CCSER2: variants seen among roughly 807,000 people sequenced by gnomAD.
The protein encoded by CCSER2 is serine-rich coiled-coil domain-containing protein 2.
CCSER2 carries 46 observed loss-of-function variants against 92.3 expected under a neutral mutation model. The ratio of observed to expected loss-of-function variants is 0.50; its 90% CI spans 0.39 to 0.64. The LOEUF is 0.64. Among genes scored for constraint, CCSER2 ranks in the 30% least tolerant of loss-of-function variants. The probability of loss-of-function intolerance (pLI) is 0.00; values close to 1 mark genes in which losing one functional copy is unlikely to be tolerated. For missense variants in CCSER2, 1,244 were observed against 1,238.9 expected, an observed-to-expected ratio of 1.00 and a Z score of -0.06; for synonymous variants, 433 against 431.4, an observed-to-expected ratio of 1.00 and a Z score of -0.04.
chr10:84,421,849 G>T (rs1261709712), intron 4 of CCSER2, among the ~76,000 whole-genome samples: 2 of 152,146 alleles, frequency 1.3e-5, no homozygotes, highest in Non-Finnish European at 2.9e-5. Context: ...CTTAGGCTTG[G>T]TAAAGAATGG....
chr10:84,468,877 A>T (rs915815032), intron 7 of CCSER2, among the ~76,000 whole-genome samples: 1 of 152,162 alleles, frequency 6.6e-6, no homozygotes, highest in African/African-American at 2.4e-5. Flanking sequence ...CAAAAAGGTT[A>T]ACTGCTATGT....
At chr10:84,375,779 GT>G (rs1846300169) in intron 3 of CCSER2, among the ~76,000 whole-genome samples, 1 of 145,848 alleles carries the variant, frequency 6.9e-6, no homozygotes, top group South Asian at 2.2e-4. Flanking sequence ...TTTTATGTTT[GT>G]ATTGTTATAC....
intron 4 of CCSER2, among the ~76,000 whole-genome samples, chr10:84,422,445 G>T (rs564732317): frequency 2.6e-5 from 4 of 152,256 alleles, no homozygotes; most frequent in African/African-American, 9.6e-5. Context: ...AGAAAATTTG[G>T]TGCTTGACTT....
intron 9 of CCSER2, chr10:84,500,004 C>G: frequency 1.2e-6 from 2 of 1,613,262 alleles, no homozygotes; most frequent in Non-Finnish European, 1.7e-6. Flanking sequence ...GCTTCCCCTT[C>G]ATGGTATTTC....
At chr10:84,454,053 A>C (rs1165043142) in intron 6 of CCSER2, among the ~76,000 whole-genome samples, 1 of 152,150 alleles carries the variant, frequency 6.6e-6, no homozygotes, top group Non-Finnish European at 1.5e-5. Flanking sequence ...CATCAATAGA[A>C]GTTTATTCTG....
intron 9 of CCSER2, among the ~76,000 whole-genome samples, chr10:84,487,647 C>T (rs1339736471): frequency 1.3e-5 from 2 of 152,164 alleles, no homozygotes; most frequent in Admixed American, 6.6e-5. Flanking sequence ...TGGGCTGAGA[C>T]GATGGCGTTT....
intron 9 of CCSER2, among the ~76,000 whole-genome samples, chr10:84,503,928 CA>C (rs1848905504): frequency 1.3e-5 from 2 of 152,228 alleles, no homozygotes; most frequent in Admixed American, 6.5e-5. Flanking sequence ...TTACAAATTT[CA>C]GGGGGTGTTT....
intron 5 of CCSER2, among the ~76,000 whole-genome samples, chr10:84,434,232 A>G (rs927093909): frequency 6.6e-6 from 1 of 152,078 alleles, no homozygotes; most frequent in African/African-American, 2.4e-5. Context: ...TCTGAGATTT[A>G]TTTTTTAATG....
At chr10:84,336,380 C>G (rs574999785) in intron 1 of CCSER2, among the ~76,000 whole-genome samples, 1 of 152,134 alleles carries the variant, frequency 6.6e-6, no homozygotes, top group Non-Finnish European at 1.5e-5. Flanking sequence ...TCATCTATTA[C>G]ATTGCTGTGG....
chr10:84,497,657 A>G (rs1055211906), intron 9 of CCSER2, among the ~76,000 whole-genome samples: 10 of 152,200 alleles, frequency 6.6e-5, no homozygotes, highest in Non-Finnish European at 1.3e-4. Context: ...AGTGTCTGCT[A>G]CATGCTGGGG....
At chr10:84,505,449 CAA>C (rs1163348124) in intron 9 of CCSER2, among the ~76,000 whole-genome samples, 1 of 152,020 alleles carries the variant, frequency 6.6e-6, no homozygotes, top group African/African-American at 2.4e-5. Flanking sequence ...TATAAATTAA[CAA>C]GGCTCAATCT....
chr10:84,411,345 A>G (rs1165430310), intron 3 of CCSER2, among the ~76,000 whole-genome samples: 2 of 152,168 alleles, frequency 1.3e-5, no homozygotes, highest in East Asian at 1.9e-4. Flanking sequence ...AAGAATGTCA[A>G]TGGTAGTTTA....
At chr10:84,510,382 G>T (rs114426868) in intron 9 of CCSER2, among the ~76,000 whole-genome samples, 1 of 151,998 alleles carries the variant, frequency 6.6e-6, no homozygotes, top group Admixed American at 6.6e-5. Flanking sequence ...ATGTTGTTAC[G>T]CTTAAGACAT....
intron 6 of CCSER2, among the ~76,000 whole-genome samples, chr10:84,442,983 T>C (rs1371215628): frequency 6.6e-6 from 1 of 152,134 alleles, no homozygotes; most frequent in African/African-American, 2.4e-5. Context: ...TTACACCTTA[T>C]ACAAAAATTA....
At chr10:84,469,450 A>G (rs1466886737) in intron 7 of CCSER2, among the ~76,000 whole-genome samples, 2 of 152,088 alleles carry the variant, frequency 1.3e-5, no homozygotes, top group East Asian at 1.9e-4. Flanking sequence ...GCTTTGTAAA[A>G]TGTCTATTTC....
chr10:84,398,508 C>T (rs559549004), intron 3 of CCSER2, among the ~76,000 whole-genome samples: 121 of 152,264 alleles, frequency 7.9e-4, no homozygotes, highest in Non-Finnish European at 1.2e-3. Flanking sequence ...CATGGAGACA[C>T]GCCAAAATGA....
intron 1 of CCSER2, among the ~76,000 whole-genome samples, chr10:84,347,169 A>G (rs539070023): frequency 3.1e-3 from 472 of 152,352 alleles, no homozygotes; most frequent in African/African-American, 9.9e-3. Context: ...GAAGTCTCCC[A>G]TGTCTACTTC....
At chr10:84,332,809 TAAAAG>T (rs756577543) in intron 1 of CCSER2, among the ~76,000 whole-genome samples, 15 of 152,178 alleles carry the variant, frequency 9.9e-5, no homozygotes, top group African/African-American at 2.9e-4. Flanking sequence ...AGAAAAAAGA[TAAAAG>T]AAAAAAGTCA....
rs1020250868 is a variant in CCSER2, at chr10:84,380,818, C to T, written c.1614+7003C>T. On this transcript the variant is annotated intron_variant, in intron 3 of 9. Coordinates refer to ENST00000372088, the MANE Select transcript of CCSER2 (RefSeq NM_001284240.2). ...CACGCCATTCTCCTGTCTCAGCCTC[C>T]CAAGTAGCTGGGACTACAGGTGCCT... is the stretch of plus-strand genomic sequence containing the variant. Among the ~76,000 whole-genome samples, 9 of 152,056 alleles carry T rather than the reference C, an allele frequency of 5.9e-5. No homozygotes were observed. In the East Asian group the frequency reaches 1.7e-3, roughly 29 times the overall value.
Sources: gnomAD v4.1 joint callset for allele counts (sites outside exome capture counted in the v4.1 genomes callset) on GRCh38, gnomAD v4.1.1 for gene constraint, MANE v1.5 for transcripts, NCBI Gene and HGNC (gene_info 2026-07-23, HGNC 2026-07-21) for gene names.